Variants in ADAMTSL1 observed in about 807,000 individuals in gnomAD.
ADAMTSL1 encodes ADAMTS like 1.
In ADAMTSL1, 126 loss-of-function variants were observed where a neutral mutation model predicts 201.8. The observed-to-expected ratio is 0.62, with a 90% confidence interval of 0.54 to 0.72. The LOEUF (loss-of-function observed/expected upper bound fraction) is 0.72, where lower values mean the gene tolerates loss of function less well. Ranked by LOEUF, ADAMTSL1 falls within the 30% of genes least tolerant of loss-of-function variation. The pLI is 0.00. For synonymous variants in ADAMTSL1, 1,121 were observed against 903.4 expected, an observed-to-expected ratio of 1.24 and a Z score of -4.32; for missense variants, 2,679 against 2,277.8, an observed-to-expected ratio of 1.18 and a Z score of -3.59.
At chr9:18,450,535 C>A (rs1820364037) in intron 2 of ADAMTSL1, among the ~76,000 whole-genome samples, 1 of 151,862 alleles carries the variant, frequency 6.6e-6, no homozygotes. Context: ...AACCATATCT[C>A]TTTTTAATTC....
At chr9:18,801,868 C>T (rs1822826953) in intron 20 of ADAMTSL1, among the ~76,000 whole-genome samples, 2 of 152,106 alleles carry the variant, frequency 1.3e-5, no homozygotes, top group African/African-American at 4.8e-5. Context: ...ATTTTATATT[C>T]CTCTGGGTAT....
At chr9:17,963,056 T>C (rs1159145537) in intron 1 of ADAMTSL1, among the ~76,000 whole-genome samples, 2 of 152,240 alleles carry the variant, frequency 1.3e-5, no homozygotes, top group East Asian at 1.9e-4. Flanking sequence ...GCCCTTGAGA[T>C]AAGTAAATGA....
At chr9:18,456,219 A>T (rs1434872041) in intron 2 of ADAMTSL1, among the ~76,000 whole-genome samples, 5 of 152,164 alleles carry the variant, frequency 3.3e-5, no homozygotes, top group African/African-American at 1.2e-4. Context: ...CTTTGAGTTT[A>T]TTGAGGCTAT....
At chr9:18,354,947 G>A (rs1240238533) in intron 2 of ADAMTSL1, among the ~76,000 whole-genome samples, 1 of 152,090 alleles carries the variant, frequency 6.6e-6, no homozygotes, top group African/African-American at 2.4e-5. Context: ...CTCCAGCCTG[G>A]GCGACAAAGC....
intron 2 of ADAMTSL1, among the ~76,000 whole-genome samples, chr9:18,182,310 A>G (rs888937143): frequency 1.3e-5 from 2 of 152,074 alleles, no homozygotes; most frequent in African/African-American, 2.4e-5. Flanking sequence ...GAAGAATTAG[A>G]TAGTGGTCAT....
chr9:18,534,062 T>C (rs180674881), intron 3 of ADAMTSL1, among the ~76,000 whole-genome samples: 34 of 152,286 alleles, frequency 2.2e-4, no homozygotes, highest in Non-Finnish European at 4.0e-4. Flanking sequence ...AGAATTGAAA[T>C]ATATTTTTGA....
intron 2 of ADAMTSL1, among the ~76,000 whole-genome samples, chr9:18,288,168 C>T (rs1833097381): frequency 1.3e-5 from 2 of 151,912 alleles, no homozygotes; most frequent in South Asian, 4.2e-4. Context: ...CACATTCAGT[C>T]GACAATCTTG....
At chr9:18,339,867 T>C (rs1835398058) in intron 2 of ADAMTSL1, among the ~76,000 whole-genome samples, 1 of 152,134 alleles carries the variant, frequency 6.6e-6, no homozygotes. Context: ...CACCTCTCAT[T>C]CTCATTTTCT....
intron 2 of ADAMTSL1, among the ~76,000 whole-genome samples, chr9:18,169,107 T>G (rs1361008801): frequency 2.2e-5 from 3 of 138,268 alleles, no homozygotes; most frequent in Non-Finnish European, 4.8e-5. Flanking sequence ...TTTGTTTTGC[T>G]GTGCAGAAGC....
chr9:18,500,114 T>C (rs1182185602), intron 1 of ADAMTSL1, among the ~76,000 whole-genome samples: 2 of 152,362 alleles, frequency 1.3e-5, no homozygotes, highest in Non-Finnish European at 2.9e-5. Flanking sequence ...GAAGTGTCTA[T>C]TGGGCAGTGA....
intron 1 of ADAMTSL1, among the ~76,000 whole-genome samples, chr9:17,963,869 A>C: frequency 6.6e-6 from 1 of 152,122 alleles, no homozygotes; most frequent in East Asian, 1.9e-4. Flanking sequence ...TTTTTTAAAA[A>C]CGGAATCCTC....
chr9:18,254,223 C>G (rs1199200911), intron 2 of ADAMTSL1, among the ~76,000 whole-genome samples: 1 of 151,754 alleles, frequency 6.6e-6, no homozygotes, highest in African/African-American at 2.4e-5. Flanking sequence ...AAACTCTTAA[C>G]AAGTAGTGTG....
intron 2 of ADAMTSL1, among the ~76,000 whole-genome samples, chr9:18,195,727 G>A (rs1829148567): frequency 6.6e-6 from 1 of 152,088 alleles, no homozygotes; most frequent in Non-Finnish European, 1.5e-5. Flanking sequence ...TCAGCCATAA[G>A]CCCTATTGGT....
chr9:18,005,746 C>G (rs1030392448), intron 1 of ADAMTSL1, among the ~76,000 whole-genome samples: 4 of 151,976 alleles, frequency 2.6e-5, no homozygotes, highest in African/African-American at 9.7e-5. Flanking sequence ...AGAGGCAGAA[C>G]AGTCTTTAGT....
rs59150507 is a variant in ADAMTSL1, at chr9:18,876,301, CGTGT to C, written c.4250-11504_4250-11501del. On this transcript the variant is annotated intron_variant, in intron 23 of 28. Coordinates refer to ENST00000380548, the MANE Select transcript of ADAMTSL1 (RefSeq NM_001040272.6). ...TATTGTGCTAGTTGTTGCCTGAATA[CGTGT>C]GTGTGTGTGTGTGTGTGTGTGTGTG... Among the ~76,000 whole-genome samples, 125 of 139,710 alleles carry C rather than the reference CGTGT, an allele frequency of 8.9e-4. 1 individual carries two copies. The highest frequency in any genetic ancestry group is 3.7e-3 in the Middle Eastern group (1 of 272). 91.7% of individuals were successfully genotyped at this position (139,710 alleles called of 152,430 possible). A position where few individuals can be genotyped will look rare whatever the true frequency, so the allele number is the denominator to read the frequency against.
chr9:18,649,908 G>A (rs1828102006), intron 7 of ADAMTSL1, among the ~76,000 whole-genome samples: 1 of 152,128 alleles, frequency 6.6e-6, no homozygotes, highest in Admixed American at 6.5e-5. Flanking sequence ...GAGAACCACT[G>A]CTCTCTTCAA....
chr9:18,671,842 C>T (rs1401765261), intron 9 of ADAMTSL1, among the ~76,000 whole-genome samples: 1 of 152,030 alleles, frequency 6.6e-6, no homozygotes, highest in African/African-American at 2.4e-5. Context: ...TCGAGACCAT[C>T]CTGGCTAACA....
intron 1 of ADAMTSL1, among the ~76,000 whole-genome samples, chr9:18,012,256 C>G (rs979388551): frequency 1.1e-4 from 16 of 152,006 alleles, no homozygotes; most frequent in African/African-American, 3.9e-4. Context: ...TGGCCCACAT[C>G]TGACCACCAA....
intron 1 of ADAMTSL1, among the ~76,000 whole-genome samples, chr9:18,040,281 T>G (rs993846057): frequency 2.6e-5 from 4 of 152,166 alleles, no homozygotes; most frequent in African/African-American, 9.7e-5. Flanking sequence ...AGGTGACATG[T>G]CTCCTTCAAT....
Sources: allele counts gnomAD v4.1 joint callset (sites outside exome capture counted in the v4.1 genomes callset), GRCh38; gene constraint gnomAD v4.1.1; transcripts MANE v1.5; gene names NCBI Gene and HGNC (gene_info 2026-07-23, HGNC 2026-07-21).